DESI2: variants seen among roughly 807,000 people sequenced by gnomAD.
The protein encoded by DESI2 is desumoylating isopeptidase 2.
Under a neutral mutation model 24.1 loss-of-function variants are expected in DESI2, and 10 were observed. The ratio of observed to expected loss-of-function variants is 0.41; its 90% CI spans 0.26 to 0.70. DESI2 has a LOEUF of 0.70. DESI2 is among the 30% of genes least tolerant of loss of function. DESI2 has a pLI of 0.29. For missense variants in DESI2, 122 were observed against 234.9 expected (o/e 0.52, Z 3.14); for synonymous variants, 71 against 87.7 (o/e 0.81, Z 1.06).
intron 4 of DESI2, among the ~76,000 whole-genome samples, chr1:244,705,119 A>C (rs565099962): frequency 6.6e-6 from 1 of 152,162 alleles, no homozygotes; most frequent in Non-Finnish European, 1.5e-5. Flanking sequence ...AGTCAAAAAG[A>C]ATCTGTGAAA....
At position 244,706,072 on chromosome 1, in the gene DESI2, C is replaced by T; in HGVS notation, c.*283C>T. On this transcript the variant is annotated 3_prime_UTR_variant, in exon 5 of 5. Transcript: ENST00000302550. ...CTCTGTTAAGTTATGTTTACAGTATCTTGTATCGCTGTTTACAAATCTTGC... is the reference window on the plus strand; with the variant it reads ...CTCTGTTAAGTTATGTTTACAGTATTTTGTATCGCTGTTTACAAATCTTGC... 3.0e-6 allele frequency: 1 copy of T among 337,116 alleles called. No homozygotes were observed. Among genetic ancestry groups the T allele is most frequent in the South Asian group, 3.9e-5 (1 of 25,446 alleles). The allele number at this position is 337,116 out of a possible 1,614,324, so 20.9% of individuals were successfully genotyped here.
intron 1 of DESI2, among the ~76,000 whole-genome samples, chr1:244,655,453 C>A (rs2148776445): frequency 6.6e-6 from 1 of 152,252 alleles, no homozygotes. Flanking sequence ...CTTTTGAGGG[C>A]TTTGAGTGTT....
At chr1:244,682,097 C>A (rs899654630) in intron 1 of DESI2, among the ~76,000 whole-genome samples, 1 of 152,134 alleles carries the variant, frequency 6.6e-6, no homozygotes. Flanking sequence ...GTAGTGCAGA[C>A]CCAAAGAGTG....
At chr1:244,691,327 G>A (rs1362552184) in intron 3 of DESI2, among the ~76,000 whole-genome samples, 1 of 152,368 alleles carries the variant, frequency 6.6e-6, no homozygotes, top group South Asian at 2.1e-4. Flanking sequence ...GACCTCAGGT[G>A]ATCTGCCCAC....
intron 1 of DESI2, among the ~76,000 whole-genome samples, chr1:244,685,901 A>G (rs1344708007): frequency 6.6e-6 from 1 of 152,060 alleles, no homozygotes; most frequent in East Asian, 1.9e-4. Flanking sequence ...CATATAACCT[A>G]TGTACATCCT....
chr1:244,702,680 C>T (rs1025698350), intron 4 of DESI2, among the ~76,000 whole-genome samples: 4 of 152,120 alleles, frequency 2.6e-5, no homozygotes, highest in African/African-American at 7.2e-5. Flanking sequence ...CCAATAGACA[C>T]GGCTGTGTTT....
intron 1 of DESI2, among the ~76,000 whole-genome samples, chr1:244,669,272 C>T (rs1676155276): frequency 6.6e-6 from 1 of 151,692 alleles, no homozygotes; most frequent in Non-Finnish European, 1.5e-5. Flanking sequence ...GCTGGGATTA[C>T]AGGCATGAGC....
At chr1:244,694,402 T>A in intron 4 of DESI2, 1 of 688,684 alleles carries the variant, frequency 1.5e-6, no homozygotes, top group Non-Finnish European at 2.7e-6. Context: ...AACCGGAACA[T>A]CTATTGCATT....
At chr1:244,664,380 C>T (rs1212538385) in intron 1 of DESI2, among the ~76,000 whole-genome samples, 1 of 151,996 alleles carries the variant, frequency 6.6e-6, no homozygotes, top group Non-Finnish European at 1.5e-5. Flanking sequence ...GAAAATCAAA[C>T]CTACAGGGAA....
At chr1:244,664,020 GAAAAAA>G (rs34195856) in intron 1 of DESI2, among the ~76,000 whole-genome samples, 87 of 89,378 alleles carry the variant, frequency 9.7e-4, no homozygotes, top group Admixed American at 5.5e-3. Context: ...TCCGTCTCAG[GAAAAAA>G]AAAAAAAAAA....
chr1:244,684,795 C>T (rs1385115624), intron 1 of DESI2, among the ~76,000 whole-genome samples: 1 of 152,100 alleles, frequency 6.6e-6, no homozygotes, highest in African/African-American at 2.4e-5. Flanking sequence ...GAATAGATTC[C>T]AGAAGGTGAA....
intron 4 of DESI2, among the ~76,000 whole-genome samples, chr1:244,701,225 C>T (rs1244398831): frequency 2.5e-5 from 2 of 81,160 alleles, no homozygotes; most frequent in Non-Finnish European, 4.9e-5. Flanking sequence ...ACCCCCCCCC[C>T]CCCCCCCCCG....
chr1:244,659,032 CTTT>C (rs10553169), intron 1 of DESI2, among the ~76,000 whole-genome samples: 7,457 of 147,238 alleles, frequency 0.051, 604 homozygotes, highest in African/African-American at 0.17. Flanking sequence ...GGTCATCCAT[CTTT>C]TTTTTTTTTT....
At chr1:244,672,751 C>T (rs1676290196) in intron 1 of DESI2, among the ~76,000 whole-genome samples, 1 of 152,012 alleles carries the variant, frequency 6.6e-6, no homozygotes, top group African/African-American at 2.4e-5. Flanking sequence ...GTGGCATATG[C>T]CTGTAATCCC....
chr1:244,696,423 ACGAG>A (rs1385368598), intron 4 of DESI2, among the ~76,000 whole-genome samples: 3 of 152,098 alleles, frequency 2.0e-5, no homozygotes, highest in Non-Finnish European at 4.4e-5. Context: ...CAAGTTCAAG[ACGAG>A]CTTGGGCAAC....
chr1:244,672,660 C>T (rs756021411), intron 1 of DESI2, among the ~76,000 whole-genome samples: 2 of 152,128 alleles, frequency 1.3e-5, no homozygotes, highest in African/African-American at 4.8e-5. Context: ...GGGCGGATCA[C>T]GAGGTCAGGA....
chr1:244,689,197 T>C lies in DESI2; in HGVS notation c.116-52T>C. 1.1e-6 allele frequency: 1 copy of C among 876,966 alleles called. No individual in the cohort carries two copies. 54.3% of individuals were successfully genotyped at this position (876,966 alleles called of 1,614,324 possible). A position where few individuals can be genotyped will look rare whatever the true frequency, so the allele number is the denominator to read the frequency against. ...AATTATTAAAGCTAATTCAGCATTCTGGTTAAATTTTATGTGATACATACT... is the reference window on the plus strand; with the variant it reads ...AATTATTAAAGCTAATTCAGCATTCCGGTTAAATTTTATGTGATACATACT... On this transcript the variant is annotated intron_variant, in intron 2 of 4. Coordinates refer to ENST00000302550, the MANE Select transcript of DESI2 (RefSeq NM_016076.5). This position sits in a 1 kb window ranked among gnomAD's most constrained non-coding sequence, Gnocchi z 4.0.
intron 1 of DESI2, among the ~76,000 whole-genome samples, chr1:244,660,254 C>T: frequency 6.6e-6 from 1 of 152,214 alleles, no homozygotes; most frequent in South Asian, 2.1e-4. Context: ...CAACCTCCGC[C>T]TCCTGGGTTC....
chr1:244,661,379 A>G (rs57252948), intron 1 of DESI2, among the ~76,000 whole-genome samples: 17,762 of 152,158 alleles, frequency 0.12, 1,862 homozygotes, highest in African/African-American at 0.28. Context: ...TCCACTGTGT[A>G]TGTATATGCC....
Sources: allele counts gnomAD v4.1 joint callset (sites outside exome capture counted in the v4.1 genomes callset), GRCh38; gene constraint gnomAD v4.1.1; non-coding constraint Gnocchi (gnomAD v3.1); transcripts MANE v1.5; gene names NCBI Gene and HGNC (gene_info 2026-07-23, HGNC 2026-07-21).